The following CDH7 variants were observed in gnomAD, a reference collection of about 807,000 sequenced individuals.
The protein encoded by CDH7 is cadherin 7.
In CDH7, 25 loss-of-function variants were observed where a neutral mutation model predicts 71.8. The ratio of observed to expected loss-of-function variants is 0.35; its 90% CI spans 0.25 to 0.49. The LOEUF (loss-of-function observed/expected upper bound fraction) is 0.49. CDH7 is among the 20% of genes least tolerant of loss of function. The probability of loss-of-function intolerance (pLI) is 0.99; values close to 1 mark genes in which losing one functional copy is unlikely to be tolerated. For missense variants in CDH7, 862 were observed against 974.6 expected (o/e 0.88, Z 1.54); for synonymous variants, 381 against 363.8 (o/e 1.05, Z -0.54).
At chr18:65,857,644 C>T (rs1218415806) in intron 7 of CDH7, among the ~76,000 whole-genome samples, 172 bp from the exon 8 acceptor site, 1 of 151,938 alleles carries the variant, frequency 6.6e-6, no homozygotes, top group African/African-American at 2.4e-5. Flanking sequence ...GGTTATAAAC[C>T]ATCTAATATG....
At chr18:65,785,566 T>C (rs940368400) in intron 2 of CDH7, among the ~76,000 whole-genome samples, 7 of 151,922 alleles carry the variant, frequency 4.6e-5, no homozygotes, top group Non-Finnish European at 8.8e-5. Flanking sequence ...TAGATATTAC[T>C]TATATAGGAG....
At chr18:65,814,435 T>C (rs774013186) in intron 3 of CDH7, 50 bp from the exon 4 acceptor site, 211 of 1,607,028 alleles carry the variant, frequency 1.3e-4, no homozygotes, top group Non-Finnish European at 1.8e-4. Context: ...GTTTTTTGTT[T>C]TGTGGTATTT....
intron 9 of CDH7, 91 bp downstream of exon 9, chr18:65,859,137 A>G (rs1238885768): frequency 9.9e-6 from 12 of 1,217,370 alleles, no homozygotes; most frequent in South Asian, 2.6e-5. Flanking sequence ...CAGCTTTAAG[A>G]TAAAATATAA....
At chr18:65,808,616 A>G (rs1318755532) in intron 2 of CDH7, among the ~76,000 whole-genome samples, 2 of 152,204 alleles carry the variant, frequency 1.3e-5, no homozygotes, top group Non-Finnish European at 2.9e-5. Context: ...AAGGTACAAA[A>G]GGCAATGTCC....
In CDH7 at chr18:65,770,076, C is replaced by T. The variant is rs534212065; in HGVS notation, c.210+7024C>T. 2.6e-5 allele frequency among the ~76,000 whole-genome samples: 4 copies of T among 152,198 alleles called. No homozygotes were observed. The East Asian group carries it at 7.7e-4, about 29-fold the overall frequency. On this transcript the variant is annotated intron_variant, in intron 2 of 11. Transcript: ENST00000397968. ...GGGTTGATTCAGTACAATCTGTTGT[C>T]CATGTTTAGAATCAGGAGTGTGAGC... is the stretch of plus-strand genomic sequence containing the variant.
At chr18:65,778,480 A>C (rs1425602106) in intron 2 of CDH7, among the ~76,000 whole-genome samples, 2 of 137,404 alleles carry the variant, frequency 1.5e-5, no homozygotes, top group Admixed American at 7.4e-5. Context: ...CACTTAAAGG[A>C]CTCTGAGAGT....
intron 2 of CDH7, among the ~76,000 whole-genome samples, chr18:65,804,600 T>C (rs1228320490): frequency 6.6e-6 from 1 of 152,052 alleles, no homozygotes; most frequent in African/African-American, 2.4e-5. Context: ...GGCTCTACAA[T>C]CTTTAATTTA....
intron 5 of CDH7, among the ~76,000 whole-genome samples, chr18:65,823,176 C>G (rs1004985657): frequency 1.1e-4 from 17 of 151,684 alleles, no homozygotes; most frequent in Admixed American, 1.1e-3. Context: ...TAAAATTTTC[C>G]TCTTTATCTT....
chr18:65,851,813 T>C (rs944794749), intron 7 of CDH7, among the ~76,000 whole-genome samples: 5 of 152,306 alleles, frequency 3.3e-5, no homozygotes, highest in Middle Eastern at 3.4e-3. Flanking sequence ...AACAGTAGGT[T>C]AGTGACAGGG....
At chr18:65,812,142 T>G (rs1471343591) in intron 3 of CDH7, among the ~76,000 whole-genome samples, 1 of 151,868 alleles carries the variant, frequency 6.6e-6, no homozygotes, top group Non-Finnish European at 1.5e-5. Context: ...CTAATTTTTG[T>G]ATTTTTACTA....
At chr18:65,860,319 T>A (rs12967895) in intron 10 of CDH7, among the ~76,000 whole-genome samples, 81,905 of 152,012 alleles carry the variant, frequency 0.54, 25,831 homozygotes, top group East Asian at 0.92. Flanking sequence ...TAATGACATA[T>A]TTATGATGCT....
chr18:65,889,229 G>C lies in CDH7; in HGVS notation c.*8335G>C, dbSNP rs1413216074. ...GTTATTGAATAGTTGGCACACAAGG[G>C]TAGGAGAAAAATCCCAACAACCCTT... On this transcript the variant is annotated 3_prime_UTR_variant, in exon 12 of 12. Coordinates refer to ENST00000397968, the MANE Select transcript of CDH7 (RefSeq NM_004361.5). 6.6e-6 allele frequency: 1 copy of C among 152,036 alleles called. No individual in the cohort carries two copies. Among genetic ancestry groups the C allele is most frequent in the Non-Finnish European group, 1.5e-5 (1 of 68,010 alleles). The allele number at this position is 152,036 out of a possible 1,614,324, so 9.4% of individuals were successfully genotyped here.
intron 2 of CDH7, among the ~76,000 whole-genome samples, chr18:65,807,657 C>G (rs762931292): frequency 6.6e-6 from 1 of 152,156 alleles, no homozygotes; most frequent in Non-Finnish European, 1.5e-5. Context: ...GTTAAGCGGC[C>G]CGGGGACTGG....
chr18:65,824,760 G>A lies in CDH7; in HGVS notation c.910G>A (p.Gly304Ser), dbSNP rs751122713. Reference sequence around the variant, plus strand: ...TGAAATGGAGTACAAGATTGTGGATGGTGATGGTTTGGGCATTTTTAAGAT... The same window carrying A: ...TGAAATGGAGTACAAGATTGTGGATAGTGATGGTTTGGGCATTTTTAAGAT... The part of the protein sequence containing the change: ...NAEMEYKIVD[G>S]DGLGIFKISV... The change falls in exon 6 of 12, where the codon GGT (glycine) becomes AGT (serine). Residue 304 changes from glycine to serine, a missense_variant. Transcript: ENST00000397968. The A allele has an allele frequency of 3.7e-6, 6 of 1,612,518 alleles. No individual in the cohort carries two copies. Among genetic ancestry groups the A allele is most frequent in the Non-Finnish European group, 5.1e-6 (6 of 1,178,836 alleles).
intron 11 of CDH7, among the ~76,000 whole-genome samples, chr18:65,879,091 A>G (rs963609668): frequency 1.3e-5 from 2 of 152,208 alleles, no homozygotes; most frequent in Admixed American, 6.5e-5. Context: ...TTAAAACTAA[A>G]TAAGTGCTCA....
At chr18:65,866,386 A>G (rs1599062787) in intron 11 of CDH7, 1 of 8,828 alleles carries the variant, frequency 1.1e-4, no homozygotes, top group South Asian at 6.7e-3. Flanking sequence ...TTAGACTCTT[A>G]AAAAAAAAAA....
chr18:65,838,186 C>A (rs1017922609), intron 6 of CDH7, among the ~76,000 whole-genome samples: 4 of 152,162 alleles, frequency 2.6e-5, no homozygotes, highest in East Asian at 1.9e-4. Flanking sequence ...TCCCAAAGTG[C>A]TGGAATTACA....
chr18:65,859,147 A>T, intron 9 of CDH7, 101 bp downstream of exon 9: 1 of 1,149,720 alleles, frequency 8.7e-7, no homozygotes, highest in Non-Finnish European at 1.3e-6. Context: ...ATAAAATATA[A>T]TCAGCTTGTT....
At chr18:65,878,059 A>G (rs974235624) in intron 11 of CDH7, among the ~76,000 whole-genome samples, 1 of 152,122 alleles carries the variant, frequency 6.6e-6, no homozygotes, top group East Asian at 1.9e-4. Context: ...AGGTTATTTT[A>G]TGTGTCTAAG....
Sources: gnomAD v4.1 joint callset for allele counts (sites outside exome capture counted in the v4.1 genomes callset) on GRCh38, gnomAD v4.1.1 for gene constraint, MANE v1.5 for transcripts, NCBI Gene and HGNC (gene_info 2026-07-23, HGNC 2026-07-21) for gene names.